The following ZEB2 variants were observed in gnomAD, a reference collection of about 807,000 sequenced individuals.
The protein encoded by ZEB2 is zinc finger E-box-binding homeobox 2.
Under a neutral mutation model 99.9 loss-of-function variants are expected in ZEB2, and 6 were observed. That is an observed-to-expected ratio of 0.06 (90% confidence interval 0.03 to 0.12). The LOEUF (loss-of-function observed/expected upper bound fraction) is 0.12. Ranked by LOEUF, ZEB2 falls within the 10% of genes least tolerant of loss-of-function variation. ZEB2 has a pLI of 1.00. For missense variants in ZEB2, 969 were observed against 1,502.8 expected (o/e 0.64, Z 5.87); for synonymous variants, 517 against 542.5 (o/e 0.95, Z 0.65).
chr2:144,395,884 T>C (rs1398235534), intron 9 of ZEB2, among the ~76,000 whole-genome samples: 3 of 152,164 alleles, frequency 2.0e-5, no homozygotes, highest in Non-Finnish European at 4.4e-5. Flanking sequence ...TGGTTTCAAG[T>C]AGCTCATCTG....
intron 2 of ZEB2, among the ~76,000 whole-genome samples, chr2:144,453,651 G>A (rs1197358450): frequency 6.6e-6 from 1 of 152,118 alleles, no homozygotes; most frequent in Non-Finnish European, 1.5e-5. Context: ...ATTACCTGAT[G>A]TCTGTGTGAT....
chr2:144,391,197 C>T (rs545049429), intron 9 of ZEB2, among the ~76,000 whole-genome samples: 1 of 152,174 alleles, frequency 6.6e-6, no homozygotes, highest in Non-Finnish European at 1.5e-5. Flanking sequence ...AATTAAATAT[C>T]TTTAATAATG....
intron 2 of ZEB2, among the ~76,000 whole-genome samples, chr2:144,458,334 T>G (rs542460470): frequency 1.3e-5 from 2 of 152,090 alleles, no homozygotes; most frequent in Non-Finnish European, 2.9e-5. Flanking sequence ...TGACTAGAAA[T>G]TGAATCGGAA....
intron 2 of ZEB2, among the ~76,000 whole-genome samples, chr2:144,500,685 A>G (rs1338364518): frequency 6.6e-6 from 1 of 152,196 alleles, no homozygotes; most frequent in Admixed American, 6.5e-5. Context: ...ACCACAGTAG[A>G]AACCCTTGGT....
chr2:144,415,849 C>T (rs889965764), intron 4 of ZEB2, among the ~76,000 whole-genome samples: 8 of 152,178 alleles, frequency 5.3e-5, no homozygotes, highest in Non-Finnish European at 1.0e-4. Context: ...GGTTTGAAGT[C>T]GAAGTCGAAA....
intron 2 of ZEB2, among the ~76,000 whole-genome samples, chr2:144,484,751 C>T (rs572489738): frequency 2.6e-5 from 4 of 152,046 alleles, no homozygotes; most frequent in African/African-American, 4.8e-5. Context: ...TAGTGGAATG[C>T]GACTGAAGTG....
At chr2:144,391,754 C>G (rs759238712) in intron 9 of ZEB2, among the ~76,000 whole-genome samples, 45 of 152,284 alleles carry the variant, frequency 3.0e-4, no homozygotes, top group South Asian at 8.3e-4. Context: ...GGAAAGGATG[C>G]TGTCAGGAGA....
intron 2 of ZEB2, among the ~76,000 whole-genome samples, chr2:144,439,897 CT>C (rs988267154): frequency 9.9e-5 from 15 of 152,186 alleles, no homozygotes; most frequent in East Asian, 1.9e-4. Context: ...TATTCAGAAT[CT>C]TTTTTTTCCT....
At chr2:144,487,310 A>G (rs961564722) in intron 2 of ZEB2, among the ~76,000 whole-genome samples, 19 of 152,230 alleles carry the variant, frequency 1.2e-4, no homozygotes, top group Admixed American at 1.1e-3. Context: ...ACAAAGGCAC[A>G]CAACAGGTAG....
At chr2:144,515,735 C>A (rs1705123264) in intron 2 of ZEB2, among the ~76,000 whole-genome samples, 1 of 151,574 alleles carries the variant, frequency 6.6e-6, no homozygotes, top group African/African-American at 2.4e-5. Context: ...TGGCTCGACA[C>A]CTCCACCACA....
Position 144,403,912 on chromosome 2 carries a change from C to T in ZEB2, c.807+4G>A, listed in dbSNP as rs2149879126. ...AAAGAAATCACTTAAAACCATCCCC[C>T]CACCTGATCTGTCCCTGGCTTGTGT... is the stretch of plus-strand genomic sequence containing the variant. On this transcript the variant is annotated splice_donor_region_variant and intron_variant, in intron 6 of 9. Coordinates refer to ENST00000627532, the MANE Select transcript of ZEB2 (RefSeq NM_014795.4). 1.2e-6 allele frequency: 2 copies of T among 1,614,136 alleles called. No individual in the cohort carries two copies. The highest frequency in any genetic ancestry group is 1.7e-6 in the Non-Finnish European group (2 of 1,180,020).
chr2:144,477,932 C>CT (rs1334273517), intron 2 of ZEB2, among the ~76,000 whole-genome samples: 4 of 151,882 alleles, frequency 2.6e-5, no homozygotes, highest in South Asian at 2.1e-4. Context: ...GAATCTATTG[C>CT]TTTTTTTTAA....
At chr2:144,404,761 C>T in intron 5 of ZEB2, 75 bp downstream of exon 5, 1 of 1,535,226 alleles carries the variant, frequency 6.5e-7, no homozygotes, top group Admixed American at 1.9e-5. Context: ...GGTAAACACC[C>T]AGGCATGTAG....
In ZEB2 at chr2:144,401,409, G is replaced by A. The variant is rs867548214; in HGVS notation, c.808-102C>T. On this transcript the variant is annotated intron_variant, in intron 6 of 9. Transcript: ENST00000627532. Reference sequence around the variant, plus strand: ...CCTCTGTTTTTCAGACAGGCCAAAAGGTTTGAGTGCATGCTTATTTATCTG... The same window carrying A: ...CCTCTGTTTTTCAGACAGGCCAAAAAGTTTGAGTGCATGCTTATTTATCTG... 1.3e-5 allele frequency: 14 copies of A among 1,045,820 alleles called. No homozygotes were observed. The Middle Eastern group carries it at 6.2e-4, about 46-fold the overall frequency. 64.8% of individuals were successfully genotyped at this position (1,045,820 alleles called of 1,614,324 possible).
At chr2:144,435,214 G>A (rs1304760353) in intron 2 of ZEB2, among the ~76,000 whole-genome samples, 1 of 152,178 alleles carries the variant, frequency 6.6e-6, no homozygotes, top group South Asian at 2.1e-4. Context: ...GGAAGGCCAT[G>A]ATGAGAGAGA....
chr2:144,464,565 GT>G (rs778038505), intron 2 of ZEB2, among the ~76,000 whole-genome samples: 5 of 151,750 alleles, frequency 3.3e-5, no homozygotes, highest in African/African-American at 9.7e-5. Flanking sequence ...AATACTAATG[GT>G]TTTTTTTAAT....
intron 4 of ZEB2, among the ~76,000 whole-genome samples, chr2:144,409,914 T>TA (rs1703436209): frequency 7.6e-6 from 1 of 132,102 alleles, no homozygotes; most frequent in Non-Finnish European, 1.6e-5. Flanking sequence ...AAAGTTGTTG[T>TA]TTTTTTTTTT....
chr2:144,466,018 C>T (rs1704267572), intron 2 of ZEB2, among the ~76,000 whole-genome samples: 1 of 152,160 alleles, frequency 6.6e-6, no homozygotes, highest in Non-Finnish European at 1.5e-5. Flanking sequence ...GATCAACGGA[C>T]TGAAAATCTC....
At chr2:144,401,150 C>T (rs753152174) in intron 7 of ZEB2, 49 bp downstream of exon 7, 5 of 1,527,128 alleles carry the variant, frequency 3.3e-6, no homozygotes, top group South Asian at 2.2e-5. Context: ...TTAAAACTCC[C>T]CTAATTAAGT....
Sources: gnomAD v4.1 joint callset for allele counts (sites outside exome capture counted in the v4.1 genomes callset) on GRCh38, gnomAD v4.1.1 for gene constraint, MANE v1.5 for transcripts, NCBI Gene and HGNC (gene_info 2026-07-23, HGNC 2026-07-21) for gene names.